Variants in CDK14 observed in about 807,000 individuals in gnomAD.
CDK14 encodes the protein cyclin dependent kinase 14, also known as cyclin-dependent kinase 14.
Under a neutral mutation model 60.7 loss-of-function variants are expected in CDK14, and 34 were observed. The ratio of observed to expected loss-of-function variants is 0.56; its 90% CI spans 0.43 to 0.75. The LOEUF is 0.75. CDK14 is among the 30% of genes least tolerant of loss of function. CDK14 has a pLI of 0.00. For synonymous variants in CDK14, 197 were observed against 203.7 expected (o/e 0.97, Z 0.28); for missense variants, 482 against 564.1 (o/e 0.85, Z 1.47).
At chr7:90,629,016 C>T (rs548508922) in intron 2 of CDK14, among the ~76,000 whole-genome samples, 100 of 151,674 alleles carry the variant, frequency 6.6e-4, no homozygotes, top group African/African-American at 1.9e-3. Context: ...CAGCCTGCAG[C>T]AAAGACATTA....
intron 2 of CDK14, among the ~76,000 whole-genome samples, chr7:90,690,875 TA>T (rs1161010483): frequency 1.3e-5 from 2 of 152,202 alleles, no homozygotes; most frequent in East Asian, 3.8e-4. Context: ...ATTATACTTC[TA>T]AGCATTCATT....
intron 10 of CDK14, among the ~76,000 whole-genome samples, chr7:91,005,276 C>T (rs1795948573): frequency 6.6e-6 from 1 of 152,236 alleles, no homozygotes; most frequent in South Asian, 2.1e-4. Context: ...AGGTGAACAC[C>T]ACTTCGTGGT....
At chr7:91,170,523 T>TTTG (rs1328152271) in intron 14 of CDK14, among the ~76,000 whole-genome samples, 1 of 152,138 alleles carries the variant, frequency 6.6e-6, no homozygotes, top group East Asian at 1.9e-4. Flanking sequence ...GACCATGATA[T>TTTG]TTGACACCTT....
At chr7:91,122,739 A>T (rs1799818792) in intron 14 of CDK14, among the ~76,000 whole-genome samples, 1 of 152,130 alleles carries the variant, frequency 6.6e-6, no homozygotes, top group Non-Finnish European at 1.5e-5. Context: ...CTTCTGGGGC[A>T]GTCTATTGCT....
chr7:90,854,189 A>C (rs1421406315), intron 5 of CDK14, among the ~76,000 whole-genome samples: 3 of 152,214 alleles, frequency 2.0e-5, no homozygotes, highest in African/African-American at 7.2e-5. Flanking sequence ...ATTCACATAC[A>C]TTCATTTAAA....
intron 2 of CDK14, among the ~76,000 whole-genome samples, chr7:90,655,154 G>C (rs1252146668): frequency 6.6e-6 from 1 of 152,110 alleles, no homozygotes; most frequent in East Asian, 1.9e-4. Flanking sequence ...TCTTTCCATG[G>C]CTTGACAGCT....
chr7:91,072,708 A>G (rs1798189722), intron 11 of CDK14, among the ~76,000 whole-genome samples: 1 of 152,144 alleles, frequency 6.6e-6, no homozygotes, highest in African/African-American at 2.4e-5. Flanking sequence ...GGTGGGTAGT[A>G]ATAAACTCTG....
chr7:91,141,914 C>T lies in CDK14; in HGVS notation c.*28+23706C>T, dbSNP rs544530581. On this transcript the variant is annotated intron_variant, in intron 14 of 14. Coordinates refer to ENST00000380050, the MANE Select transcript of CDK14 (RefSeq NM_001287135.2). ...GATCTCCGCTCACTGCAAGCTCCGC[C>T]TCCTGGGTTCACGCCATTCTTCTAC... 3.2e-4 allele frequency among the ~76,000 whole-genome samples: 48 copies of T among 152,206 alleles called. No individual in the cohort carries two copies. In the South Asian group the frequency reaches 4.6e-3, roughly 14 times the overall value.
intron 5 of CDK14, among the ~76,000 whole-genome samples, chr7:90,821,367 G>A (rs1366394195): frequency 1.3e-5 from 2 of 152,186 alleles, no homozygotes; most frequent in African/African-American, 4.8e-5. Context: ...CAAAAATTAA[G>A]GCCGAGGGCC....
chr7:90,917,474 T>A, intron 7 of CDK14, 127 bp from the exon 8 acceptor site: 1 of 738,108 alleles, frequency 1.4e-6, no homozygotes, highest in Non-Finnish European at 2.2e-6. Flanking sequence ...GTTGAAATAA[T>A]TTGGTAGAAA....
intron 4 of CDK14, among the ~76,000 whole-genome samples, chr7:90,751,592 C>A (rs1047582371): frequency 6.6e-6 from 1 of 152,178 alleles, no homozygotes; most frequent in African/African-American, 2.4e-5. Context: ...CCCACAGATT[C>A]TGTAAAGGCA....
At chr7:91,071,448 A>T (rs1266801925) in intron 11 of CDK14, among the ~76,000 whole-genome samples, 2 of 151,468 alleles carry the variant, frequency 1.3e-5, no homozygotes, top group East Asian at 3.9e-4. Context: ...GGGACCCCTC[A>T]CCCCCCCAGC....
chr7:90,844,836 C>G (rs1390559446), intron 5 of CDK14, among the ~76,000 whole-genome samples: 1 of 152,112 alleles, frequency 6.6e-6, no homozygotes, highest in African/African-American at 2.4e-5. Context: ...TGTATTGTCT[C>G]ACACAGTAAG....
At chr7:91,004,114 G>C (rs1795915753) in intron 10 of CDK14, among the ~76,000 whole-genome samples, 1 of 152,112 alleles carries the variant, frequency 6.6e-6, no homozygotes, top group Non-Finnish European at 1.5e-5. Flanking sequence ...AAGTATAGAA[G>C]CAAATTAAAT....
In CDK14 at chr7:90,931,940, T is replaced by C. The variant is rs76333479; in HGVS notation, c.826+14216T>C. On this transcript the variant is annotated intron_variant, in intron 8 of 14. Transcript: ENST00000380050. ...TCAAACACATGAATACGTTTTTTTT[T>C]CTTACAAAATATGTTGAGCATTATA... Among the ~76,000 whole-genome samples, 676 of 152,334 alleles carry C rather than the reference T, an allele frequency of 4.4e-3. 5 individuals carry two copies. Among genetic ancestry groups the C allele is most frequent in the African/African-American group, 0.015 (637 of 41,564 alleles).
chr7:90,977,452 G>A (rs1199019644), intron 9 of CDK14, among the ~76,000 whole-genome samples: 1 of 124,506 alleles, frequency 8.0e-6, no homozygotes, highest in African/African-American at 3.1e-5. Context: ...GAATAAGGAA[G>A]AGGAGTTTCA....
intron 14 of CDK14, among the ~76,000 whole-genome samples, chr7:91,148,668 G>A (rs1431612159): frequency 1.3e-5 from 2 of 152,320 alleles, no homozygotes; most frequent in East Asian, 3.9e-4. Context: ...TCTGGTCAGA[G>A]GAACGAGGAC....
chr7:90,997,100 A>T (rs1315456911), intron 10 of CDK14, among the ~76,000 whole-genome samples: 2 of 152,198 alleles, frequency 1.3e-5, no homozygotes, highest in African/African-American at 2.4e-5. Flanking sequence ...TGATTTTTCA[A>T]TTGGAAATTT....
At chr7:90,776,804 G>C (rs17163176) in intron 4 of CDK14, among the ~76,000 whole-genome samples, 21,659 of 152,126 alleles carry the variant, frequency 0.14, 1,746 homozygotes, top group Middle Eastern at 0.25. Flanking sequence ...ATCACTGTCC[G>C]TGATCTTTGA....
Sources: gnomAD v4.1 joint callset for allele counts (sites outside exome capture counted in the v4.1 genomes callset) on GRCh38, gnomAD v4.1.1 for gene constraint, MANE v1.5 for transcripts, NCBI Gene and HGNC (gene_info 2026-07-23, HGNC 2026-07-21) for gene names.